The following ZNF148 variants were observed in gnomAD, a reference collection of about 807,000 sequenced individuals.
The protein encoded by ZNF148 is Beta-Enolase Repressor Factor-1.
A neutral mutation model predicts 67.7 loss-of-function variants in ZNF148; 7 were observed. The ratio of observed to expected loss-of-function variants is 0.10; its 90% confidence interval spans 0.06 to 0.19. ZNF148 has a LOEUF of 0.19. ZNF148 is among the 10% of genes least tolerant of loss of function. ZNF148 has a pLI of 1.00. For missense variants in ZNF148, 583 were observed against 947.1 expected, an observed-to-expected ratio of 0.62 and a Z score of 5.05; for synonymous variants, 333 against 330.7, an observed-to-expected ratio of 1.01 and a Z score of -0.08.
chr3:125,326,923 A>G (rs550706282), intron 2 of ZNF148, among the ~76,000 whole-genome samples: 13 of 150,824 alleles, frequency 8.6e-5, no homozygotes, highest in African/African-American at 2.2e-4. Context: ...AAATCCAACC[A>G]TATCCCTAAT....
rs79849597 is a variant in ZNF148, at chr3:125,248,322, A to G, written c.668-13993T>C. Among the ~76,000 whole-genome samples, 1,139 of 152,266 alleles carry G rather than the reference A, an allele frequency of 7.5e-3. 12 individuals carry two copies. Among genetic ancestry groups the G allele is most frequent in the Non-Finnish European group, 0.013 (875 of 67,994 alleles). ...TTCTGAACTTGATATAAGCCCCCCA[A>G]TTTCCAGCTACCTCCTGAAAACAAG... On this transcript the variant is annotated intron_variant, in intron 7 of 8. Coordinates refer to ENST00000360647, the MANE Select transcript of ZNF148 (RefSeq NM_021964.3).
rs1935886422 is a variant in ZNF148, at chr3:125,232,315, GTAT to G, written c.*23_*25del. ...TTGATTAATCTGTTCTAAAGTGCCA[GTAT>G]TATTTACACTTTTTTTTTTTTTTTA... On this transcript the variant is annotated 3_prime_UTR_variant, in exon 9 of 9. Transcript: ENST00000360647. This position sits in a 1 kb window ranked among gnomAD's most constrained non-coding sequence, Gnocchi z 4.2. 4 of 1,566,148 alleles carry G rather than the reference GTAT, an allele frequency of 2.6e-6. No homozygotes were observed. Among genetic ancestry groups the G allele is most frequent in the African/African-American group, 1.5e-5 (1 of 68,722 alleles).
intron 1 of ZNF148, among the ~76,000 whole-genome samples, chr3:125,367,474 T>C (rs1942736840): frequency 1.3e-5 from 2 of 152,234 alleles, no homozygotes; most frequent in African/African-American, 4.8e-5. Flanking sequence ...CATCATCTCT[T>C]TAACCAGATT....
chr3:125,357,461 T>TCC lies in ZNF148; in HGVS notation c.-234+17639_-234+17640dup, dbSNP rs929366202. ...CCAGACGGTGGGCAAAAGCCCGTCC[T>TCC]CCCCCCCTTCCAGGGCCTGCTCACT... On this transcript the variant is annotated intron_variant, in intron 1 of 8. Coordinates refer to ENST00000360647, the MANE Select transcript of ZNF148 (RefSeq NM_021964.3). 3.3e-5 allele frequency among the ~76,000 whole-genome samples: 5 copies of TCC among 151,944 alleles called. No homozygotes were observed. The South Asian group carries it at 1.0e-3, about 32-fold the overall frequency.
intron 1 of ZNF148, among the ~76,000 whole-genome samples, chr3:125,348,521 A>T (rs1048313439): frequency 5.3e-5 from 8 of 150,722 alleles, no homozygotes; most frequent in Non-Finnish European, 3.0e-5. Context: ...CAGCAACAGC[A>T]TCAAAAACAA....
chr3:125,320,654 T>G (rs1016450430), intron 3 of ZNF148, among the ~76,000 whole-genome samples: 3 of 152,180 alleles, frequency 2.0e-5, no homozygotes, highest in Non-Finnish European at 4.4e-5. Flanking sequence ...CTTAAAATAT[T>G]CTCACAAATT....
chr3:125,247,910 A>T (rs2107541118), intron 7 of ZNF148, among the ~76,000 whole-genome samples: 1 of 152,308 alleles, frequency 6.6e-6, no homozygotes, highest in East Asian at 1.9e-4. Flanking sequence ...GAAAAATACA[A>T]AACAAAACAA....
chr3:125,239,976 G>A (rs1232253498), intron 7 of ZNF148, among the ~76,000 whole-genome samples: 1 of 152,018 alleles, frequency 6.6e-6, no homozygotes, highest in East Asian at 1.9e-4. Flanking sequence ...TCTTCTGGGG[G>A]GTGACAAAAA....
intron 7 of ZNF148, among the ~76,000 whole-genome samples, chr3:125,249,553 C>T (rs1454266530): frequency 2.0e-5 from 3 of 152,060 alleles, no homozygotes; most frequent in Non-Finnish European, 4.4e-5. Flanking sequence ...AAAGAAACCA[C>T]TGCACACTGC....
In ZNF148 at chr3:125,226,848, A is replaced by G. The variant is rs1451582960; in HGVS notation, c.*5493T>C. ...CTGCTGACTACTGATGTAAAAGTTT[A>G]TATTTAAAAATATCACAAATCTCTT... On this transcript the variant is annotated 3_prime_UTR_variant, in exon 9 of 9. Transcript: ENST00000360647. The G allele has an allele frequency of 1.3e-5, 2 of 152,224 alleles. No homozygotes were observed. Among genetic ancestry groups the G allele is most frequent in the African/African-American group, 2.4e-5 (1 of 41,450 alleles). The allele number at this position is 152,224 out of a possible 1,614,324, so 9.4% of individuals were successfully genotyped here.
At chr3:125,322,433 T>C (rs938020939) in intron 3 of ZNF148, among the ~76,000 whole-genome samples, 1 of 152,044 alleles carries the variant, frequency 6.6e-6, no homozygotes, top group Non-Finnish European at 1.5e-5. Context: ...GTGCAACATA[T>C]GGCTGCCTAG....
At chr3:125,241,679 T>G (rs1448593990) in intron 7 of ZNF148, among the ~76,000 whole-genome samples, 2 of 152,222 alleles carry the variant, frequency 1.3e-5, no homozygotes, top group Admixed American at 6.5e-5. Context: ...TCCTCTATCA[T>G]TTCCCAACAT....
rs999008667 is a variant in ZNF148 at position 125,232,227 on chromosome 3, CTTG to C, written c.*111_*113del. On this transcript the variant is annotated 3_prime_UTR_variant, in exon 9 of 9. Coordinates refer to ENST00000360647, the MANE Select transcript of ZNF148 (RefSeq NM_021964.3). This position sits in a 1 kb window ranked among gnomAD's most constrained non-coding sequence, Gnocchi z 4.2. The stretch of plus-strand genomic sequence containing the variant: ...TATCTTGCTATTCATATCAGCTTAA[CTTG>C]TTATTACGCATTGCTCTTAAATCTG... 6.4e-6 allele frequency: 8 copies of C among 1,249,318 alleles called. No individual in the cohort carries two copies. In the South Asian group the frequency reaches 8.4e-5, roughly 13 times the overall value. 77.4% of individuals were successfully genotyped at this position (1,249,318 alleles called of 1,614,324 possible).
chr3:125,343,660 G>A (rs1941826068), intron 1 of ZNF148, among the ~76,000 whole-genome samples: 1 of 152,102 alleles, frequency 6.6e-6, no homozygotes, highest in African/African-American at 2.4e-5. Flanking sequence ...CATGGGCAGG[G>A]ACAAATAAGG....
chr3:125,277,411 C>A (rs113974632), intron 7 of ZNF148, among the ~76,000 whole-genome samples: 8 of 152,268 alleles, frequency 5.3e-5, no homozygotes, highest in African/African-American at 1.7e-4. Context: ...CTACCCCAGA[C>A]TAATTAACGA....
At chr3:125,293,776 T>C (rs1175594552) in intron 4 of ZNF148, among the ~76,000 whole-genome samples, 1 of 152,026 alleles carries the variant, frequency 6.6e-6, no homozygotes, top group Non-Finnish European at 1.5e-5. Flanking sequence ...AACATCAATA[T>C]AGAAGGAATG....
At chr3:125,363,584 G>C (rs892894316) in intron 1 of ZNF148, among the ~76,000 whole-genome samples, 5 of 151,766 alleles carry the variant, frequency 3.3e-5, no homozygotes, top group Admixed American at 1.3e-4. Flanking sequence ...CTTTCTTTGA[G>C]GTATTTCTTA....
chr3:125,327,370 A>G (rs1361762898), intron 2 of ZNF148, among the ~76,000 whole-genome samples: 1 of 152,226 alleles, frequency 6.6e-6, no homozygotes, highest in African/African-American at 2.4e-5. Flanking sequence ...AGAAGACCTG[A>G]ACCACACTAT....
intron 5 of ZNF148, among the ~76,000 whole-genome samples, 182 bp downstream of exon 5, chr3:125,287,921 T>C (rs1938786838): frequency 6.6e-6 from 1 of 151,970 alleles, no homozygotes; most frequent in Non-Finnish European, 1.5e-5. Flanking sequence ...AGGAACATGG[T>C]GAAAGAGAAG....
Sources: gnomAD v4.1 joint callset for allele counts (sites outside exome capture counted in the v4.1 genomes callset) on GRCh38, gnomAD v4.1.1 for gene constraint, Gnocchi (gnomAD v3.1) non-coding constraint, MANE v1.5 for transcripts, NCBI Gene and HGNC (gene_info 2026-07-23, HGNC 2026-07-21) for gene names.